NOS1: variants seen among roughly 807,000 people sequenced by gnomAD.
NOS1 encodes the protein nitric oxide synthase 1.
NOS1 carries 51 observed loss-of-function variants against 164.5 expected under a neutral mutation model. The observed-to-expected ratio is 0.31, with a 90% CI of 0.25 to 0.39. The LOEUF (loss-of-function observed/expected upper bound fraction) is 0.39. Among genes scored for constraint, NOS1 ranks in the 10% least tolerant of loss-of-function variants. The pLI, the probability that NOS1 is intolerant of heterozygous loss-of-function variation, is 1.00. For synonymous variants in NOS1, 719 were observed against 745.8 expected (o/e 0.96, Z 0.59); for missense variants, 1,362 against 1,885.6 (o/e 0.72, Z 5.14).
At chr12:117,302,166 G>A in intron 3 of NOS1, 1 of 443,962 alleles carries the variant, frequency 2.3e-6, no homozygotes. Context: ...ACCTGATATT[G>A]CTCAATAAAT....
chr12:117,322,656 T>A (rs990704144), intron 2 of NOS1, among the ~76,000 whole-genome samples: 1 of 125,904 alleles, frequency 7.9e-6, no homozygotes, highest in Admixed American at 8.7e-5. Context: ...CCTGCTTCCC[T>A]CCCTCCTTCC....
chr12:117,285,299 C>A lies in NOS1; in HGVS notation c.1324G>T (p.Gly442Trp), dbSNP rs774868068. The change falls in exon 7 of 29, where the codon GGG becomes TGG. Residue 442 changes from glycine to tryptophan, a missense_variant. Gly to Trp is a radical substitution (Grantham distance 184, BLOSUM62 -2). Transcript: ENST00000317775. ...TGGTTACAGATGTAGTTGAACATCC[C>A]GTGGGCCGTGGTGCAGTCACGGGCA... ...FDARDCTTAHGMFNYICNHVK... is the reference protein window; with the variant it reads ...FDARDCTTAHWMFNYICNHVK... The A allele has an allele frequency of 6.2e-7, 1 of 1,610,508 alleles. No homozygotes were observed. The highest frequency in any genetic ancestry group is 1.3e-5 in the African/African-American group (1 of 74,734).
intron 9 of NOS1, 117 bp downstream of exon 9, chr12:117,277,842 T>A: frequency 1.6e-6 from 2 of 1,251,956 alleles, no homozygotes; most frequent in Non-Finnish European, 2.2e-6. Flanking sequence ...CAAGCCCCCC[T>A]TTCCCCTTTC....
At chr12:117,248,009 TCTCTCTCTAGCTCC>T (rs1232535649) in intron 17 of NOS1, among the ~76,000 whole-genome samples, 10 of 150,596 alleles carry the variant, frequency 6.6e-5, no homozygotes, top group Non-Finnish European at 3.0e-5. Context: ...CTCTCTCTCC[TCTCTCTCTAGCTCC>T]CTCTCTCTCT....
chr12:117,209,921 C>G lies in NOS1; in HGVS notation c.*5388G>C, dbSNP rs552181216. On this transcript the variant is annotated 3_prime_UTR_variant, in exon 29 of 29. Transcript: ENST00000317775. ...ATGTTGACTCCCTGGGAGGCAGGCC[C>G]CTTCCCTCAGACCCTCAGACCTGTG... 3 of 985,496 alleles carry G rather than the reference C, an allele frequency of 3.0e-6. No homozygotes were observed. Among genetic ancestry groups the G allele is most frequent in the East Asian group, 2.3e-4 (2 of 8,808 alleles). The allele number at this position is 985,496 out of a possible 1,614,324, so 61.0% of individuals were successfully genotyped here. A position where few individuals can be genotyped will look rare whatever the true frequency, so the allele number is the denominator to read the frequency against.
chr12:117,264,580 C>T (rs1176148910), intron 12 of NOS1, among the ~76,000 whole-genome samples: 5 of 134,702 alleles, frequency 3.7e-5, no homozygotes, highest in African/African-American at 1.4e-4. Context: ...CCCTTCCTTC[C>T]TTCTTTTCCT....
rs1274878613 is a variant in NOS1 at position 117,272,687 on chromosome 12, C to T, written c.1665-128G>A. Reference sequence around the variant, plus strand: ...CAAGGTCAGAATATGGTTCCTGGGCCCTGCTTCAGATCTGTGGAATTGCAG... The same window carrying T: ...CAAGGTCAGAATATGGTTCCTGGGCTCTGCTTCAGATCTGTGGAATTGCAG... On this transcript the variant is annotated intron_variant, in intron 9 of 28. Transcript: ENST00000317775. The surrounding 1 kb of genome is among the most constrained non-coding windows in gnomAD (Gnocchi z 4.3). 7.3e-6 allele frequency: 6 copies of T among 825,338 alleles called. No homozygotes were observed. In the South Asian group the frequency reaches 9.7e-5, roughly 13 times the overall value. 51.1% of individuals were successfully genotyped at this position (825,338 alleles called of 1,614,324 possible).
Position 117,208,360 on chromosome 12 carries a change from G to C in NOS1, c.*6949C>G, listed in dbSNP as rs1298086062. 2 of 1,286,528 alleles carry C rather than the reference G, an allele frequency of 1.6e-6. No individual in the cohort carries two copies. The highest frequency in any genetic ancestry group is 3.1e-5 in the African/African-American group (2 of 64,494). The allele number at this position is 1,286,528 out of a possible 1,614,324, so 79.7% of individuals were successfully genotyped here. A position where few individuals can be genotyped will look rare whatever the true frequency, so the allele number is the denominator to read the frequency against. The stretch of plus-strand genomic sequence containing the variant: ...AGAGATTAGCAGCATTGAGAGCTCA[G>C]AGGTAGGGGGGACGGCCGAGTTTCT... On this transcript the variant is annotated 3_prime_UTR_variant, in exon 29 of 29. Coordinates refer to ENST00000317775, the MANE Select transcript of NOS1 (RefSeq NM_000620.5).
In NOS1 at chr12:117,259,413, G is replaced by A. The variant is rs567222345; in HGVS notation, c.2368-283C>T. On this transcript the variant is annotated intron_variant, in intron 14 of 28. Transcript: ENST00000317775. ...TGGAGAATCTGAAGCAATGGTTCAA[G>A]GGATTGGCAGATACTAGAAACACAG... is the stretch of plus-strand genomic sequence containing the variant. 7.9e-5 allele frequency among the ~76,000 whole-genome samples: 12 copies of A among 152,284 alleles called. No individual in the cohort carries two copies. The East Asian group carries it at 1.7e-3, about 22-fold the overall frequency.
chr12:117,240,703 A>G (rs772524535), intron 20 of NOS1, among the ~76,000 whole-genome samples: 5 of 152,246 alleles, frequency 3.3e-5, no homozygotes, highest in Non-Finnish European at 5.9e-5. Context: ...GAACACAGAA[A>G]GCTCTAGAAA....
rs564854275 is a variant in NOS1 at position 117,265,434 on chromosome 12, C to T, written c.2018G>A (p.Cys673Tyr). Residue 673 changes from cysteine (C) to tyrosine (Y), a missense_variant, in exon 12 of 29, where the codon TGC (cysteine) becomes TAC (tyrosine). By Grantham distance (194) the Cys-to-Tyr change is radical (BLOSUM62 -2). Coordinates refer to ENST00000317775, the MANE Select transcript of NOS1 (RefSeq NM_000620.5). ...FIKHMENEYRCRGGCPADWVW... is the reference protein window; with the variant it reads ...FIKHMENEYRYRGGCPADWVW... ...CCAGTCGGCAGGGCAGCCCCCCCGG[C>T]AGCGGTACTCATTCTCCATGTGCTT... 6.3e-7 allele frequency: 1 copy of T among 1,591,200 alleles called. No homozygotes were observed. Among genetic ancestry groups the T allele is most frequent in the East Asian group, 2.3e-5 (1 of 43,998 alleles).
chr12:117,211,991 G>A lies in NOS1; in HGVS notation c.*3318C>T, dbSNP rs1462538904. The A allele has an allele frequency of 4.2e-6, 3 of 706,536 alleles. No individual in the cohort carries two copies. The highest frequency in any genetic ancestry group is 5.2e-6 in the Non-Finnish European group (3 of 575,326). The allele number at this position is 706,536 out of a possible 1,614,324, so 43.8% of individuals were successfully genotyped here. A position where few individuals can be genotyped will look rare whatever the true frequency, so the allele number is the denominator to read the frequency against. Reference sequence around the variant, plus strand: ...GAGGCAGAAGAATCACTTGAACTGGGGGAGGCAGAGGATGCAGTGAGCTGA... The same window carrying A: ...GAGGCAGAAGAATCACTTGAACTGGAGGAGGCAGAGGATGCAGTGAGCTGA... On this transcript the variant is annotated 3_prime_UTR_variant, in exon 29 of 29. Transcript: ENST00000317775.
Position 117,220,200 on chromosome 12 carries a change from C to T in NOS1, c.4045G>A (p.Gly1349Ser). ...SVYRALKEQG[G>S]HIYVCGDVTM... ...ACGTCCCCACAGACGTATATGTGGC[C>T]CCCTTGCTCCTTCAGGGCTCGGTAC... Residue 1349 changes from glycine to serine, a missense_variant, in exon 27 of 29, where the codon GGC becomes AGC. Gly to Ser is a moderately conservative substitution (Grantham distance 56, BLOSUM62 0). This residue lies in a region of NOS1 where 737 missense variants were observed against 1,030.3 expected (regional missense o/e 0.72). Coordinates refer to ENST00000317775, the MANE Select transcript of NOS1 (RefSeq NM_000620.5). 2 of 1,613,828 alleles carry T rather than the reference C, an allele frequency of 1.2e-6. No homozygotes were observed. Among genetic ancestry groups the T allele is most frequent in the Non-Finnish European group, 1.7e-6 (2 of 1,179,990 alleles).
intron 1 of NOS1, among the ~76,000 whole-genome samples, chr12:117,339,061 T>C (rs1021694277): frequency 6.6e-6 from 1 of 152,204 alleles, no homozygotes; most frequent in Non-Finnish European, 1.5e-5. Flanking sequence ...TTACATTTCC[T>C]GAACTGCTAA....
chr12:117,302,831 C>T (rs774480555), intron 3 of NOS1, among the ~76,000 whole-genome samples: 15 of 151,318 alleles, frequency 9.9e-5, no homozygotes, highest in Admixed American at 2.6e-4. Context: ...ATGCAACCTC[C>T]GCCTCCCAGG....
Position 117,211,364 on chromosome 12 carries a change from C to G in NOS1, c.*3945G>C. 1 of 985,476 alleles carries G rather than the reference C, an allele frequency of 1.0e-6. No individual in the cohort carries two copies. Among genetic ancestry groups the G allele is most frequent in the Non-Finnish European group, 1.2e-6 (1 of 830,038 alleles). 61.0% of individuals were successfully genotyped at this position (985,476 alleles called of 1,614,324 possible). On this transcript the variant is annotated 3_prime_UTR_variant, in exon 29 of 29. Coordinates refer to ENST00000317775, the MANE Select transcript of NOS1 (RefSeq NM_000620.5). ...CTCTTTATCACTACATCCGCCTCTTCCCTCACTCAAGCCTTGGTTGCAGCA... is the reference window on the plus strand; with the variant it reads ...CTCTTTATCACTACATCCGCCTCTTGCCTCACTCAAGCCTTGGTTGCAGCA...
intron 3 of NOS1, among the ~76,000 whole-genome samples, chr12:117,296,569 G>A (rs1873430768): frequency 6.6e-6 from 1 of 152,274 alleles, no homozygotes; most frequent in Non-Finnish European, 1.5e-5. Flanking sequence ...TTGGGACTCG[G>A]GCTGGCTTCC....
chr12:117,352,017 C>CA (rs1159255881), intron 1 of NOS1, among the ~76,000 whole-genome samples: 3 of 152,032 alleles, frequency 2.0e-5, no homozygotes, highest in Admixed American at 6.6e-5. Context: ...CCCGTCGCTA[C>CA]AAAAAATTAG....
chr12:117,239,384 C>A (rs61196997), intron 20 of NOS1, among the ~76,000 whole-genome samples: 1 of 152,226 alleles, frequency 6.6e-6, no homozygotes, highest in Admixed American at 6.5e-5. Flanking sequence ...CTCCTGACTT[C>A]TAGAACTTAG....
Sources: gnomAD v4.1 joint callset for allele counts (sites outside exome capture counted in the v4.1 genomes callset) on GRCh38, gnomAD v4.1.1 for gene constraint, gnomAD v4.1.1 regional missense constraint, Gnocchi (gnomAD v3.1) non-coding constraint, MANE v1.5 for transcripts, NCBI Gene and HGNC (gene_info 2026-07-23, HGNC 2026-07-21) for gene names.